Variants in ZNF423 observed in about 807,000 individuals in gnomAD.
ZNF423 encodes the protein zinc finger protein 423.
ZNF423 carries 12 observed loss-of-function variants against 95.8 expected under a neutral mutation model. That is an observed-to-expected ratio of 0.13 (90% CI 0.08 to 0.20). The LOEUF (loss-of-function observed/expected upper bound fraction) is 0.20. Among genes scored for constraint, ZNF423 ranks in the 10% least tolerant of loss-of-function variants. ZNF423 has a pLI of 1.00. For synonymous variants in ZNF423, 749 were observed against 711.9 expected, an observed-to-expected ratio of 1.05 and a Z score of -0.83; for missense variants, 1,316 against 1,737.1, an observed-to-expected ratio of 0.76 and a Z score of 4.31.
At chr16:49,682,972 G>A (rs2031426982) in intron 3 of ZNF423, among the ~76,000 whole-genome samples, 1 of 152,206 alleles carries the variant, frequency 6.6e-6, no homozygotes. Flanking sequence ...ATGCAAGGGA[G>A]CCTCAGGGCT....
chr16:49,597,655 C>A (rs1370246463), intron 5 of ZNF423, among the ~76,000 whole-genome samples: 3 of 152,072 alleles, frequency 2.0e-5, no homozygotes, highest in Non-Finnish European at 4.4e-5. Context: ...GGTGTCCATG[C>A]ATGTCGGTGC....
At chr16:49,601,850 C>T (rs1326447585) in intron 5 of ZNF423, among the ~76,000 whole-genome samples, 1 of 152,244 alleles carries the variant, frequency 6.6e-6, no homozygotes, top group African/African-American at 2.4e-5. Flanking sequence ...GCGGAGGAAA[C>T]AGATGGGCAG....
At chr16:49,626,456 G>A (rs1410037774) in intron 4 of ZNF423, among the ~76,000 whole-genome samples, 3 of 152,060 alleles carry the variant, frequency 2.0e-5, no homozygotes, top group Non-Finnish European at 4.4e-5. Context: ...ACATTCCAAG[G>A]GAGCTGCTTC....
upstream of ZNF423, among the ~76,000 whole-genome samples, chr16:49,859,082 G>A (rs188220635): frequency 6.6e-6 from 1 of 152,308 alleles, no homozygotes; most frequent in Non-Finnish European, 1.5e-5. Flanking sequence ...GAGAGTGAGG[G>A]GGCGGACAAA....
chr16:49,715,864 C>A (rs551412475), intron 3 of ZNF423, among the ~76,000 whole-genome samples: 1 of 151,586 alleles, frequency 6.6e-6, no homozygotes, highest in South Asian at 2.1e-4. Flanking sequence ...ATAGAGAGAC[C>A]CCATGTATGC....
intron 2 of ZNF423, among the ~76,000 whole-genome samples, chr16:49,732,372 T>C (rs982513398): frequency 6.6e-6 from 1 of 152,112 alleles, no homozygotes; most frequent in Non-Finnish European, 1.5e-5. Flanking sequence ...TGGATAAAAT[T>C]TGTGTGTTAA....
chr16:49,655,404 T>C (rs1352161385), intron 3 of ZNF423, among the ~76,000 whole-genome samples: 2 of 152,050 alleles, frequency 1.3e-5, no homozygotes, highest in Non-Finnish European at 2.9e-5. Context: ...AAACAATCAC[T>C]AGCCTATAAG....
At chr16:49,852,555 G>A (rs1022299602) in intron 1 of ZNF423, among the ~76,000 whole-genome samples, 2 of 151,990 alleles carry the variant, frequency 1.3e-5, no homozygotes, top group East Asian at 1.9e-4. Context: ...AGAACAGCCC[G>A]GGAAAATGAG....
At chr16:49,691,811 G>T (rs2151946645) in intron 3 of ZNF423, among the ~76,000 whole-genome samples, 1 of 152,290 alleles carries the variant, frequency 6.6e-6, no homozygotes, top group South Asian at 2.1e-4. Context: ...GTGGGTGGCT[G>T]CACAAGGGAA....
rs963661939 is a variant in ZNF423 at position 49,843,266 on chromosome 16, G to A, written c.40+12469C>T. 7.9e-5 allele frequency among the ~76,000 whole-genome samples: 12 copies of A among 152,290 alleles called. No homozygotes were observed. In the East Asian group the frequency reaches 1.7e-3, roughly 22 times the overall value. On this transcript the variant is annotated intron_variant, in intron 1 of 7. Transcript: ENST00000563137. ...AGCAAAAAACTGGAAGCAACTAAAT[G>A]TTCACCAATGGAAGACTGTAAATAA...
At chr16:49,714,703 T>TA (rs1052686924) in intron 3 of ZNF423, among the ~76,000 whole-genome samples, 17 of 150,168 alleles carry the variant, frequency 1.1e-4, no homozygotes, top group African/African-American at 3.9e-4. Flanking sequence ...CTGAGATGGG[T>TA]GGATTGCTTG....
At chr16:49,712,126 AAAT>A (rs1232333059) in intron 3 of ZNF423, among the ~76,000 whole-genome samples, 6 of 152,204 alleles carry the variant, frequency 3.9e-5, no homozygotes, top group Admixed American at 2.6e-4. Flanking sequence ...CTATTTAAAA[AAAT>A]AATAATAATA....
At chr16:49,553,119 G>A (rs1020693377) in intron 5 of ZNF423, among the ~76,000 whole-genome samples, 1 of 152,074 alleles carries the variant, frequency 6.6e-6, no homozygotes, top group Non-Finnish European at 1.5e-5. Flanking sequence ...ATTCAACAGA[G>A]CACAGACTCT....
chr16:49,798,401 A>G (rs921242158), intron 1 of ZNF423, among the ~76,000 whole-genome samples: 4 of 152,084 alleles, frequency 2.6e-5, no homozygotes, highest in African/African-American at 9.7e-5. Flanking sequence ...CCAGCTACTC[A>G]GAAGGCTGAG....
intron 5 of ZNF423, among the ~76,000 whole-genome samples, chr16:49,615,378 C>A (rs1971843689): frequency 6.6e-6 from 1 of 152,166 alleles, no homozygotes; most frequent in South Asian, 2.1e-4. Context: ...TTCAAACTTA[C>A]TTAGCCTGTA....
intron 3 of ZNF423, among the ~76,000 whole-genome samples, chr16:49,699,276 T>A (rs1463232273): frequency 6.6e-6 from 1 of 152,164 alleles, no homozygotes; most frequent in Non-Finnish European, 1.5e-5. Flanking sequence ...AGCTGAGCTG[T>A]AACTCTAATA....
intron 1 of ZNF423, among the ~76,000 whole-genome samples, chr16:49,845,609 T>C (rs2035237163): frequency 6.6e-6 from 1 of 152,068 alleles, no homozygotes; most frequent in African/African-American, 2.4e-5. Flanking sequence ...GGCATGATCA[T>C]GGCTCACCAC....
At position 49,727,218 on chromosome 16, in the gene ZNF423, G is replaced by A. The variant is rs747575424; in HGVS notation, c.301+3553C>T. Among the ~76,000 whole-genome samples the A allele has an allele frequency of 2.0e-4, 31 of 152,298 alleles. No homozygotes were observed. The South Asian group carries it at 2.1e-3, about 10-fold the overall frequency. The stretch of plus-strand genomic sequence containing the variant: ...AGTTGTCCGAGACCTTAAAGTCCAC[G>A]CTTCAACAGCTCATGGGCCCGGCAT... On this transcript the variant is annotated intron_variant, in intron 3 of 7. Coordinates refer to ENST00000563137, the MANE Select transcript of ZNF423 (RefSeq NM_001379286.1).
At chr16:49,765,623 G>A (rs1156564543) in intron 2 of ZNF423, among the ~76,000 whole-genome samples, 1 of 152,052 alleles carries the variant, frequency 6.6e-6, no homozygotes, top group Admixed American at 6.6e-5. Context: ...GGGAAGCTGA[G>A]GCAGGAGAAT....
Sources: allele counts gnomAD v4.1 joint callset (sites outside exome capture counted in the v4.1 genomes callset), GRCh38; gene constraint gnomAD v4.1.1; transcripts MANE v1.5; gene names NCBI Gene and HGNC (gene_info 2026-07-23, HGNC 2026-07-21).